The following DCDC1 variants were observed in gnomAD, a reference collection of about 807,000 sequenced individuals.
DCDC1 encodes doublecortin domain containing 1, also known as doublecortin domain-containing protein 1.
In DCDC1, 200 loss-of-function variants were observed where a neutral mutation model predicts 178.3. The ratio of observed to expected loss-of-function variants is 1.12; its 90% CI spans 1.00 to 1.26. The LOEUF (loss-of-function observed/expected upper bound fraction) is 1.26. Ranked by LOEUF, DCDC1 falls within the 50% of genes most tolerant of loss-of-function variation. The pLI, the probability that DCDC1 is intolerant of heterozygous loss-of-function variation, is 0.00. For synonymous variants in DCDC1, 690 were observed against 604.8 expected (o/e 1.14, Z -2.07); for missense variants, 1,983 against 1,749.2 (o/e 1.13, Z -2.38).
At chr11:31,100,922 T>C (rs560023077) in intron 15 of DCDC1, among the ~76,000 whole-genome samples, 17 of 152,248 alleles carry the variant, frequency 1.1e-4, no homozygotes, top group Non-Finnish European at 2.2e-4. Flanking sequence ...CAAAATACAT[T>C]AATAAGTACA....
chr11:31,272,068 G>A lies in DCDC1; in HGVS notation c.961-6468C>T, dbSNP rs530018733. Among the ~76,000 whole-genome samples, 34 of 151,710 alleles carry A rather than the reference G, an allele frequency of 2.2e-4. 1 individual carries two copies. The South Asian group carries it at 3.3e-3, about 15-fold the overall frequency. ...TCCCAGCTACTCAGGAGGCTGAGGC[G>A]GGAGAATCACTTGAACCCAGCAGGC... is the stretch of plus-strand genomic sequence containing the variant. On this transcript the variant is annotated intron_variant, in intron 7 of 38. Transcript: ENST00000684477.
chr11:31,315,695 T>G (rs1309048026), intron 3 of DCDC1, among the ~76,000 whole-genome samples: 4 of 128,934 alleles, frequency 3.1e-5, no homozygotes, highest in African/African-American at 1.3e-4. Flanking sequence ...AGGGTACATG[T>G]GCATATTGTG....
intron 20 of DCDC1, among the ~76,000 whole-genome samples, chr11:31,033,281 TACACACACATAC>T (rs1474234097): frequency 1.3e-5 from 2 of 152,206 alleles, no homozygotes; most frequent in East Asian, 3.9e-4. Context: ...TATGTGTGTA[TACACACACATAC>T]ACACACACAT....
chr11:30,982,211 C>T (rs999069044), intron 20 of DCDC1, among the ~76,000 whole-genome samples: 1 of 152,122 alleles, frequency 6.6e-6, no homozygotes. Flanking sequence ...CTTAAAGCAC[C>T]TCTTGAGAAC....
intron 20 of DCDC1, among the ~76,000 whole-genome samples, chr11:31,021,827 C>T (rs1348624369): frequency 6.6e-6 from 1 of 152,018 alleles, no homozygotes; most frequent in Admixed American, 6.6e-5. Context: ...CAAATGGCTC[C>T]CTGTTACTAA....
At chr11:31,015,061 C>T (rs1486138718) in intron 20 of DCDC1, among the ~76,000 whole-genome samples, 1 of 151,956 alleles carries the variant, frequency 6.6e-6, no homozygotes, top group African/African-American at 2.4e-5. Flanking sequence ...ATTCTCCTGC[C>T]TCAGCCTCCC....
intron 9 of DCDC1, among the ~76,000 whole-genome samples, chr11:31,214,149 C>A (rs1379614701): frequency 6.6e-6 from 1 of 151,944 alleles, no homozygotes; most frequent in Non-Finnish European, 1.5e-5. Context: ...GAATAGGTGA[C>A]CACATGGGGC....
At chr11:31,043,214 A>G (rs2135363422) in intron 20 of DCDC1, among the ~76,000 whole-genome samples, 1 of 152,318 alleles carries the variant, frequency 6.6e-6, no homozygotes, top group East Asian at 1.9e-4. Context: ...GTCACTGACC[A>G]AAATTTCCTT....
intron 18 of DCDC1, among the ~76,000 whole-genome samples, chr11:31,071,036 C>T (rs983103107): frequency 1.3e-5 from 2 of 151,948 alleles, no homozygotes; most frequent in Admixed American, 6.6e-5. Flanking sequence ...TAGTAAAAAC[C>T]GAAGAAAATA....
At chr11:31,292,260 T>C (rs941735292) in intron 6 of DCDC1, among the ~76,000 whole-genome samples, 7 of 152,116 alleles carry the variant, frequency 4.6e-5, no homozygotes, top group Admixed American at 4.6e-4. Flanking sequence ...GTTAATGAGT[T>C]CATAAATAGC....
chr11:30,905,043 T>C lies in DCDC1; in HGVS notation c.4226A>G (p.Gln1409Arg). 1.2e-6 allele frequency: 2 copies of C among 1,613,894 alleles called. No homozygotes were observed. The highest frequency in any genetic ancestry group is 2.2e-5 in the East Asian group (1 of 44,874). Residue 1409 changes from glutamine (Q) to arginine (R), a missense_variant, in exon 31 of 39, where the codon CAG becomes CGG. Gln to Arg is a conservative substitution (Grantham distance 43). Transcript: ENST00000684477. ...GTATGCAATTATTTTCACTGCCTTC[T>C]GGTGTGTGGCTGCCATGCCACTGTG... ...ASHSGMAATH[Q>R]KAVKIIAYKN... is the part of the protein sequence containing the mutation.
chr11:31,235,364 A>G (rs1175163165), intron 9 of DCDC1, among the ~76,000 whole-genome samples: 1 of 151,940 alleles, frequency 6.6e-6, no homozygotes, highest in African/African-American at 2.4e-5. Flanking sequence ...CTATAAACTT[A>G]GAAAAATGGT....
At chr11:31,344,426 C>T (rs1950710736) in intron 1 of DCDC1, among the ~76,000 whole-genome samples, 1 of 152,212 alleles carries the variant, frequency 6.6e-6, no homozygotes, top group Admixed American at 6.5e-5. Flanking sequence ...AAAAGACATT[C>T]CTGTCCTTAG....
chr11:31,315,159 G>C (rs1948999363), intron 3 of DCDC1, among the ~76,000 whole-genome samples: 1 of 151,894 alleles, frequency 6.6e-6, no homozygotes, highest in Non-Finnish European at 1.5e-5. Context: ...ACTTTTTATA[G>C]CAATTTGAAG....
chr11:31,355,958 G>T (rs1951328194), intron 1 of DCDC1, among the ~76,000 whole-genome samples: 1 of 152,044 alleles, frequency 6.6e-6, no homozygotes, highest in Non-Finnish European at 1.5e-5. Flanking sequence ...GTGCCCCAAG[G>T]TGTTATTTGT....
At chr11:31,084,074 G>T (rs1957342614) in intron 17 of DCDC1, among the ~76,000 whole-genome samples, 1 of 152,050 alleles carries the variant, frequency 6.6e-6, no homozygotes, top group Non-Finnish European at 1.5e-5. Context: ...TGCACAGATA[G>T]AAAAATATAT....
chr11:31,197,800 T>C (rs1443006271), intron 9 of DCDC1, among the ~76,000 whole-genome samples: 1 of 152,052 alleles, frequency 6.6e-6, no homozygotes, highest in Non-Finnish European at 1.5e-5. Flanking sequence ...TCCTCTCATC[T>C]TAAGGACCAT....
intron 20 of DCDC1, among the ~76,000 whole-genome samples, chr11:30,985,633 T>C (rs958694210): frequency 2.0e-5 from 3 of 152,116 alleles, no homozygotes; most frequent in Non-Finnish European, 2.9e-5. Context: ...GTATATGAAA[T>C]ATTAAAAGTA....
chr11:31,058,195 T>TA (rs1446918664), intron 20 of DCDC1, among the ~76,000 whole-genome samples: 2 of 152,292 alleles, frequency 1.3e-5, no homozygotes, highest in African/African-American at 4.8e-5. Context: ...ATCATAGGGC[T>TA]ATAGTTGGCT....
Sources: gnomAD v4.1 joint callset for allele counts (sites outside exome capture counted in the v4.1 genomes callset) on GRCh38, gnomAD v4.1.1 for gene constraint, MANE v1.5 for transcripts, NCBI Gene and HGNC (gene_info 2026-07-23, HGNC 2026-07-21) for gene names.